The following DAB1 variants were observed in gnomAD, a reference collection of about 807,000 sequenced individuals.
DAB1 encodes the protein DAB adaptor protein 1, also known as disabled homolog 1.
DAB1 carries 15 observed loss-of-function variants against 64.6 expected under a neutral mutation model. The observed-to-expected ratio is 0.23, with a 90% confidence interval of 0.16 to 0.36. The LOEUF is 0.36. Among genes scored for constraint, DAB1 ranks in the 10% least tolerant of loss-of-function variants. DAB1 has a pLI of 1.00. For synonymous variants in DAB1, 235 were observed against 251.9 expected (o/e 0.93, Z 0.64); for missense variants, 596 against 706.7 (o/e 0.84, Z 1.78).
At chr1:57,838,611 T>A (rs1652915458) in intron 1 of DAB1, among the ~76,000 whole-genome samples, 1 of 151,890 alleles carries the variant, frequency 6.6e-6, no homozygotes, top group Non-Finnish European at 1.5e-5. Context: ...GGTGTTGGAG[T>A]CTCAATAGCT....
intron 4 of DAB1, among the ~76,000 whole-genome samples, chr1:57,120,103 C>T (rs183453469): frequency 9.0e-4 from 137 of 152,188 alleles, no homozygotes; most frequent in African/African-American, 3.0e-3. Flanking sequence ...TAAAGGCTAG[C>T]CCAATGGAAA....
intron 3 of DAB1, among the ~76,000 whole-genome samples, chr1:57,138,979 G>A (rs758399286): frequency 6.6e-6 from 1 of 152,158 alleles, no homozygotes; most frequent in Non-Finnish European, 1.5e-5. Flanking sequence ...CAAAGAGAAG[G>A]AAAGTGACTT....
At chr1:57,642,602 C>T (rs541731982) in intron 7 of DAB1, among the ~76,000 whole-genome samples, 73 of 152,270 alleles carry the variant, frequency 4.8e-4, no homozygotes, top group Non-Finnish European at 7.9e-4. Context: ...TTCTCCCCAA[C>T]GCTAAAAATA....
chr1:57,063,015 C>T (rs561964201), intron 8 of DAB1, 72 bp from the exon 9 acceptor site: 46 of 1,352,880 alleles, frequency 3.4e-5, no homozygotes, highest in Admixed American at 1.4e-4. Flanking sequence ...AGCAACCAGA[C>T]TTCAACTGCA....
intron 1 of DAB1, among the ~76,000 whole-genome samples, chr1:57,391,295 G>C (rs968526188): frequency 1.3e-5 from 2 of 152,116 alleles, no homozygotes; most frequent in African/African-American, 4.8e-5. Flanking sequence ...AAAAGAAGAG[G>C]CTGCAACAGA....
intron 3 of DAB1, among the ~76,000 whole-genome samples, chr1:58,421,186 A>C (rs1384575188): frequency 6.6e-6 from 1 of 152,198 alleles, no homozygotes; most frequent in Non-Finnish European, 1.5e-5. Flanking sequence ...CCATCATCGT[A>C]ATGCACCCAC....
intron 1 of DAB1, among the ~76,000 whole-genome samples, chr1:57,416,380 A>C (rs1442638316): frequency 1.3e-5 from 2 of 152,190 alleles, no homozygotes; most frequent in African/African-American, 4.8e-5. Flanking sequence ...ATAAACTTTC[A>C]ATGCATTTCA....
At chr1:57,920,292 G>A (rs1052891395) in intron 5 of DAB1, among the ~76,000 whole-genome samples, 11 of 152,110 alleles carry the variant, frequency 7.2e-5, no homozygotes, top group South Asian at 2.1e-4. Context: ...AAGAGAGACA[G>A]CATCTAAGTG....
chr1:58,394,060 A>C (rs1264827509), intron 3 of DAB1, among the ~76,000 whole-genome samples: 1 of 152,206 alleles, frequency 6.6e-6, no homozygotes, highest in Non-Finnish European at 1.5e-5. Context: ...CAGTAATAAG[A>C]AAGCAACCAA....
intron 4 of DAB1, among the ~76,000 whole-genome samples, chr1:57,133,373 T>G (rs1657797883): frequency 6.6e-6 from 1 of 152,172 alleles, no homozygotes. Context: ...AGTTGAAAAG[T>G]CTGTTCTGAG....
intron 3 of DAB1, among the ~76,000 whole-genome samples, chr1:58,426,853 A>G (rs556795272): frequency 2.0e-5 from 3 of 152,348 alleles, no homozygotes; most frequent in African/African-American, 7.2e-5. Context: ...AGTGCTATGG[A>G]AAAAAATTAA....
At chr1:58,074,683 T>G (rs1332875021) in intron 5 of DAB1, among the ~76,000 whole-genome samples, 2 of 150,838 alleles carry the variant, frequency 1.3e-5, no homozygotes, top group Non-Finnish European at 3.0e-5. Context: ...TAAACTCGTC[T>G]TCCCAGGAAA....
chr1:58,126,224 A>G (rs899169281), intron 5 of DAB1, among the ~76,000 whole-genome samples: 2 of 152,140 alleles, frequency 1.3e-5, no homozygotes, highest in Non-Finnish European at 2.9e-5. Flanking sequence ...GCTTAACCAG[A>G]GCCAAGATTC....
intron 3 of DAB1, among the ~76,000 whole-genome samples, chr1:58,400,483 G>T (rs1391045126): frequency 6.6e-6 from 1 of 152,152 alleles, no homozygotes; most frequent in Non-Finnish European, 1.5e-5. Flanking sequence ...CACCCCGAGG[G>T]TATTTACTAT....
At chr1:57,492,046 C>A (rs1200443780) in intron 7 of DAB1, among the ~76,000 whole-genome samples, 1 of 152,182 alleles carries the variant, frequency 6.6e-6, no homozygotes, top group Non-Finnish European at 1.5e-5. Flanking sequence ...GAAGAAGAAA[C>A]TGCAGAGTAT....
chr1:57,510,817 C>T (rs143416876), intron 7 of DAB1, among the ~76,000 whole-genome samples: 3 of 152,234 alleles, frequency 2.0e-5, no homozygotes, highest in Non-Finnish European at 2.9e-5. Flanking sequence ...CTCGCTCTGT[C>T]ACCCAGGCTA....
At chr1:57,037,476 C>G (rs1046485992) in intron 9 of DAB1, among the ~76,000 whole-genome samples, 1 of 152,032 alleles carries the variant, frequency 6.6e-6, no homozygotes, top group Non-Finnish European at 1.5e-5. Flanking sequence ...GAGCTCAGAC[C>G]AAGGCTGAAA....
chr1:57,819,803 G>C (rs1454374135), intron 6 of DAB1, among the ~76,000 whole-genome samples: 2 of 152,142 alleles, frequency 1.3e-5, no homozygotes, highest in Non-Finnish European at 2.9e-5. Flanking sequence ...GTAAAAAGAG[G>C]CACCAAAGGG....
chr1:57,155,236 C>T (rs1465011804), intron 2 of DAB1, among the ~76,000 whole-genome samples: 2 of 152,152 alleles, frequency 1.3e-5, no homozygotes, highest in African/African-American at 4.8e-5. Flanking sequence ...TTTCATTCTT[C>T]TGCATATGGA....
Sources: gnomAD v4.1 joint callset for allele counts (sites outside exome capture counted in the v4.1 genomes callset) on GRCh38, gnomAD v4.1.1 for gene constraint, MANE v1.5 for transcripts, NCBI Gene and HGNC (gene_info 2026-07-23, HGNC 2026-07-21) for gene names.